CSMD2: variants seen among roughly 807,000 people sequenced by gnomAD.
CSMD2 encodes the protein CUB and Sushi multiple domains 2.
A neutral mutation model predicts 398.5 loss-of-function variants in CSMD2; 130 were observed. The observed-to-expected ratio is 0.33, with a 90% CI of 0.28 to 0.38. The LOEUF is 0.38. Ranked by LOEUF, CSMD2 falls within the 10% of genes least tolerant of loss-of-function variation. CSMD2 has a pLI of 1.00. For missense variants in CSMD2, 3,829 were observed against 4,764.9 expected (o/e 0.80, Z 5.78); for synonymous variants, 1,828 against 1,908.5 (o/e 0.96, Z 1.10).
At chr1:33,918,994 A>C (rs1298612668) in intron 4 of CSMD2, among the ~76,000 whole-genome samples, 1 of 152,210 alleles carries the variant, frequency 6.6e-6, no homozygotes, top group Non-Finnish European at 1.5e-5. Flanking sequence ...AAGGCAGTGA[A>C]GAAATGTGAT....
At chr1:33,892,505 T>C (rs1352683077) in intron 5 of CSMD2, among the ~76,000 whole-genome samples, 1 of 152,112 alleles carries the variant, frequency 6.6e-6, no homozygotes, top group East Asian at 1.9e-4. Flanking sequence ...CCAAAGTCCA[T>C]TATATCACTC....
At chr1:34,136,121 C>G (rs1324477009) in intron 1 of CSMD2, among the ~76,000 whole-genome samples, 1 of 152,182 alleles carries the variant, frequency 6.6e-6, no homozygotes, top group Non-Finnish European at 1.5e-5. Context: ...TATCCAGGCC[C>G]TGCCTGAGAA....
At chr1:33,895,514 T>C (rs1315981235) in intron 5 of CSMD2, among the ~76,000 whole-genome samples, 7 of 152,088 alleles carry the variant, frequency 4.6e-5, no homozygotes, top group Non-Finnish European at 7.4e-5. Flanking sequence ...GGACCTTATA[T>C]TGAGGGAATC....
At chr1:34,038,825 T>G (rs1326410974) in intron 2 of CSMD2, among the ~76,000 whole-genome samples, 5 of 152,164 alleles carry the variant, frequency 3.3e-5, no homozygotes, top group African/African-American at 9.7e-5. Flanking sequence ...AAAGTTCACT[T>G]CTTATCACCA....
Position 33,537,433 on chromosome 1 carries a change from C to T in CSMD2, c.9805+3G>A, listed in dbSNP as rs750441979. The T allele has an allele frequency of 4.3e-6, 7 of 1,610,186 alleles. No individual in the cohort carries two copies. In the African/African-American group the frequency reaches 6.7e-5, roughly 15 times the overall value. On this transcript the variant is annotated splice_donor_region_variant and intron_variant, in intron 61 of 70. Transcript: ENST00000373381. This position sits in a 1 kb window ranked among gnomAD's most constrained non-coding sequence, Gnocchi z 4.6. The stretch of plus-strand genomic sequence containing the variant: ...ACGCTCCCTGCTCCAGATGACCTCT[C>T]ACCTATGCAGCTGGGCTGGGTGCCA...
intron 5 of CSMD2, chr1:33,882,226 G>A (rs1392405523): frequency 6.6e-6 from 1 of 152,266 alleles, no homozygotes; most frequent in African/African-American, 2.4e-5. Context: ...TGGAGAACTG[G>A]AGGCAAATGT....
Position 33,624,756 on chromosome 1 carries a change from T to A in CSMD2, c.5501-113A>T. 2 of 1,382,122 alleles carry A rather than the reference T, an allele frequency of 1.4e-6. No homozygotes were observed. The highest frequency in any genetic ancestry group is 2.0e-6 in the Non-Finnish European group (2 of 1,022,436). 85.6% of individuals were successfully genotyped at this position (1,382,122 alleles called of 1,614,324 possible). A position where few individuals can be genotyped will look rare whatever the true frequency, so the allele number is the denominator to read the frequency against. On this transcript the variant is annotated intron_variant, in intron 34 of 70. Transcript: ENST00000373381. This position sits in a 1 kb window ranked among gnomAD's most constrained non-coding sequence, Gnocchi z 4.7. ...CTGTTTGTCCTCCTCCCCATGGGGG[T>A]GTCTCCCTAATGTCCCCAGTCCTGC...
rs137896873 is a variant in CSMD2 at position 33,927,888 on chromosome 1, T to C, written c.712+7872A>G. Among the ~76,000 whole-genome samples, 7 of 152,270 alleles carry C rather than the reference T, an allele frequency of 4.6e-5. No individual in the cohort carries two copies. In the East Asian group the frequency reaches 1.3e-3, roughly 29 times the overall value. On this transcript the variant is annotated intron_variant, in intron 4 of 70. Coordinates refer to ENST00000373381, the MANE Select transcript of CSMD2 (RefSeq NM_001281956.2). ...TGGCTTTCTTCATAGGATGGAAAAG[T>C]AGTTTCCAGCCCCCACCCTGAAGCA...
At chr1:33,769,473 T>C (rs1052200807) in intron 13 of CSMD2, among the ~76,000 whole-genome samples, 1 of 152,180 alleles carries the variant, frequency 6.6e-6, no homozygotes, top group Non-Finnish European at 1.5e-5. Context: ...AGAAGCTAGC[T>C]CCACCTTTTC....
At chr1:33,889,066 G>A (rs202159973) in intron 5 of CSMD2, among the ~76,000 whole-genome samples, 7 of 152,030 alleles carry the variant, frequency 4.6e-5, no homozygotes, top group East Asian at 1.9e-4. Context: ...CACTGCGCCC[G>A]GCCAAGATCA....
intron 13 of CSMD2, among the ~76,000 whole-genome samples, chr1:33,759,669 A>G (rs1649561534): frequency 6.6e-6 from 1 of 152,094 alleles, no homozygotes; most frequent in Admixed American, 6.5e-5. Flanking sequence ...AAAAAAAGAT[A>G]AACCACTATA....
intron 2 of CSMD2, among the ~76,000 whole-genome samples, chr1:34,046,727 A>T (rs953650048): frequency 2.0e-5 from 3 of 152,250 alleles, no homozygotes; most frequent in Non-Finnish European, 1.5e-5. Context: ...AATTTTTCTC[A>T]TCAATCATTC....
chr1:34,116,785 C>T (rs1661645362), intron 1 of CSMD2, among the ~76,000 whole-genome samples: 1 of 152,052 alleles, frequency 6.6e-6, no homozygotes, highest in Non-Finnish European at 1.5e-5. Context: ...TAAAATCATA[C>T]CAGTTACATT....
intron 15 of CSMD2, among the ~76,000 whole-genome samples, chr1:33,736,712 G>A (rs1489948493): frequency 6.6e-6 from 1 of 152,202 alleles, no homozygotes; most frequent in Admixed American, 6.5e-5. Context: ...CAGGGGCAAT[G>A]GGAATCTGGC....
chr1:34,083,039 T>A (rs1657430806), intron 2 of CSMD2, among the ~76,000 whole-genome samples: 1 of 143,874 alleles, frequency 7.0e-6, no homozygotes, highest in African/African-American at 2.6e-5. Flanking sequence ...AATCCCCCTC[T>A]CCGAGAAACA....
intron 3 of CSMD2, among the ~76,000 whole-genome samples, chr1:33,943,054 T>C (rs1245267456): frequency 6.6e-6 from 1 of 152,128 alleles, no homozygotes; most frequent in Non-Finnish European, 1.5e-5. Flanking sequence ...CCATGCCCTA[T>C]TGACCCTGCC....
rs546583067 is a variant in CSMD2 at position 33,649,045 on chromosome 1, T to C, written c.4587-2210A>G. ...GTAATAAAGTTTATATTTTTTATTT[T>C]CATCTTAAATTCAATTTTTCCACAA... is the stretch of plus-strand genomic sequence containing the variant. On this transcript the variant is annotated intron_variant, in intron 28 of 70. Coordinates refer to ENST00000373381, the MANE Select transcript of CSMD2 (RefSeq NM_001281956.2). 3.3e-5 allele frequency among the ~76,000 whole-genome samples: 5 copies of C among 152,378 alleles called. No individual in the cohort carries two copies. In the East Asian group the frequency reaches 9.6e-4, roughly 29 times the overall value.
intron 25 of CSMD2, among the ~76,000 whole-genome samples, chr1:33,688,331 A>G (rs780458168): frequency 6.6e-6 from 1 of 152,212 alleles, no homozygotes; most frequent in Non-Finnish European, 1.5e-5. Flanking sequence ...ATGCATGTGG[A>G]TGAACTTGGT....
At chr1:33,757,699 A>G (rs535931462) in intron 13 of CSMD2, among the ~76,000 whole-genome samples, 50 of 152,318 alleles carry the variant, frequency 3.3e-4, no homozygotes, top group Admixed American at 5.9e-4. Flanking sequence ...TGAACTCTTT[A>G]TCTATTTTCC....
Sources: gnomAD v4.1 joint callset for allele counts (sites outside exome capture counted in the v4.1 genomes callset) on GRCh38, gnomAD v4.1.1 for gene constraint, Gnocchi (gnomAD v3.1) non-coding constraint, MANE v1.5 for transcripts, NCBI Gene and HGNC (gene_info 2026-07-23, HGNC 2026-07-21) for gene names.